BMERB1: variants seen among roughly 807,000 people sequenced by gnomAD.
BMERB1 encodes the protein bMERB domain containing 1.
BMERB1 carries 12 observed loss-of-function variants against 23.6 expected under a neutral mutation model. The ratio of observed to expected loss-of-function variants is 0.51; its 90% CI spans 0.33 to 0.82. The LOEUF (loss-of-function observed/expected upper bound fraction) is 0.82, where lower values mean the gene tolerates loss of function less well. BMERB1 is among the 40% of genes least tolerant of loss of function. BMERB1 has a pLI of 0.03. For missense variants in BMERB1, 247 were observed against 255.4 expected (o/e 0.97, Z 0.22); for synonymous variants, 122 against 96.6 (o/e 1.26, Z -1.54).
chr16:15,462,302 C>G (rs1334664185), intron 1 of BMERB1, among the ~76,000 whole-genome samples: 1 of 151,840 alleles, frequency 6.6e-6, no homozygotes, highest in Non-Finnish European at 1.5e-5. Flanking sequence ...CAGGTGCCCA[C>G]CACCACGCCT....
At chr16:15,444,134 T>G (rs983369300) in intron 1 of BMERB1, among the ~76,000 whole-genome samples, 38 of 117,952 alleles carry the variant, frequency 3.2e-4, no homozygotes, top group African/African-American at 9.3e-4. Flanking sequence ...TTTTTTTTTT[T>G]TTTTTTTTTT....
intron 1 of BMERB1, among the ~76,000 whole-genome samples, chr16:15,460,666 C>T (rs1383312019): frequency 1.3e-5 from 2 of 152,132 alleles, no homozygotes; most frequent in Non-Finnish European, 2.9e-5. Flanking sequence ...CTTCACAGCT[C>T]AACACATCCA....
chr16:15,479,592 T>G (rs1409157227), intron 1 of BMERB1, among the ~76,000 whole-genome samples: 2 of 152,024 alleles, frequency 1.3e-5, no homozygotes, highest in East Asian at 3.9e-4. Flanking sequence ...CCTTATATAC[T>G]CCAACCAAAA....
intron 2 of BMERB1, among the ~76,000 whole-genome samples, chr16:15,520,069 A>G (rs1408059876): frequency 6.6e-6 from 1 of 152,034 alleles, no homozygotes; most frequent in Non-Finnish European, 1.5e-5. Context: ...CCTTAATTTT[A>G]GCTTCTTGAG....
intron 2 of BMERB1, among the ~76,000 whole-genome samples, chr16:15,541,845 G>A (rs556173449): frequency 2.1e-4 from 32 of 150,266 alleles, no homozygotes; most frequent in Non-Finnish European, 4.3e-4. Context: ...CTCATGATCC[G>A]CCCGCCTCGG....
At chr16:15,439,988 T>G (rs1292877011) in intron 1 of BMERB1, among the ~76,000 whole-genome samples, 1 of 152,084 alleles carries the variant, frequency 6.6e-6, no homozygotes, top group Non-Finnish European at 1.5e-5. Flanking sequence ...CTCATGCCTG[T>G]AATCCCAGCA....
intron 2 of BMERB1, among the ~76,000 whole-genome samples, chr16:15,518,523 A>C (rs957962431): frequency 5.3e-5 from 8 of 152,184 alleles, no homozygotes; most frequent in African/African-American, 1.9e-4. Context: ...AGATCTGCAC[A>C]AAGTCCTCAT....
At chr16:15,465,931 T>G (rs2051176783) in intron 1 of BMERB1, among the ~76,000 whole-genome samples, 1 of 152,252 alleles carries the variant, frequency 6.6e-6, no homozygotes, top group Non-Finnish European at 1.5e-5. Context: ...TTTTAATTTT[T>G]TAACTGCTCA....
chr16:15,553,827 A>G (rs1598515976), intron 2 of BMERB1, among the ~76,000 whole-genome samples: 1 of 152,258 alleles, frequency 6.6e-6, no homozygotes, highest in South Asian at 2.1e-4. Context: ...ATCGTCTTAG[A>G]CAGAAGGTCA....
At chr16:15,475,088 C>T (rs893869225) in intron 1 of BMERB1, among the ~76,000 whole-genome samples, 2 of 152,108 alleles carry the variant, frequency 1.3e-5, no homozygotes, top group African/African-American at 4.8e-5. Flanking sequence ...GGGCCACTTT[C>T]CTAGAAAATA....
chr16:15,558,622 G>A (rs138829733), intron 2 of BMERB1, among the ~76,000 whole-genome samples: 386 of 151,868 alleles, frequency 2.5e-3, no homozygotes, highest in African/African-American at 7.5e-3. Context: ...AACCATTACC[G>A]TAGTCACATA....
intron 2 of BMERB1, among the ~76,000 whole-genome samples, chr16:15,550,192 G>C (rs1378883182): frequency 6.6e-6 from 1 of 152,042 alleles, no homozygotes; most frequent in Non-Finnish European, 1.5e-5. Context: ...ACCCCGCCTC[G>C]GCCTCCCGAA....
At chr16:15,439,663 C>T (rs546669620) in intron 1 of BMERB1, among the ~76,000 whole-genome samples, 5 of 152,262 alleles carry the variant, frequency 3.3e-5, no homozygotes, top group South Asian at 2.1e-4. Flanking sequence ...CCTTCAACAG[C>T]GTTTTTCCAC....
chr16:15,444,592 G>A (rs1233230908), intron 1 of BMERB1, among the ~76,000 whole-genome samples: 5 of 152,218 alleles, frequency 3.3e-5, no homozygotes, highest in Non-Finnish European at 5.9e-5. Flanking sequence ...GATGGTAGCA[G>A]TGTGAAGGCT....
At chr16:15,473,186 A>G (rs1456127057) in intron 1 of BMERB1, among the ~76,000 whole-genome samples, 2 of 151,542 alleles carry the variant, frequency 1.3e-5, no homozygotes, top group Non-Finnish European at 2.9e-5. Flanking sequence ...AAAAATTATT[A>G]TTGATTTTTG....
At chr16:15,541,884 G>A (rs1419878362) in intron 2 of BMERB1, among the ~76,000 whole-genome samples, 3 of 149,206 alleles carry the variant, frequency 2.0e-5, no homozygotes, top group Non-Finnish European at 4.4e-5. Context: ...TTACAGGCTT[G>A]AGCCACCATA....
At position 15,487,583 on chromosome 16, in the gene BMERB1, T is replaced by C. The variant is rs2051379021; in HGVS notation, c.107-27722T>C. Among the ~76,000 whole-genome samples the C allele has an allele frequency of 2.6e-5, 4 of 152,188 alleles. No individual in the cohort carries two copies. The South Asian group carries it at 8.3e-4, about 32-fold the overall frequency. Reference sequence around the variant, plus strand: ...TAGAGTAAAATGAAAGCAAGTTTATTTATTAAGTTTCTTAAGTTATTAAGA... The same window carrying C: ...TAGAGTAAAATGAAAGCAAGTTTATCTATTAAGTTTCTTAAGTTATTAAGA... On this transcript the variant is annotated intron_variant, in intron 1 of 5. Coordinates refer to ENST00000300006, the MANE Select transcript of BMERB1 (RefSeq NM_033201.3).
intron 1 of BMERB1, among the ~76,000 whole-genome samples, chr16:15,466,532 T>C (rs1390332567): frequency 6.6e-6 from 1 of 152,156 alleles, no homozygotes; most frequent in African/African-American, 2.4e-5. Flanking sequence ...AAAAAAAGAC[T>C]TTTTATTTTG....
At chr16:15,445,526 G>C (rs1364083535) in intron 1 of BMERB1, among the ~76,000 whole-genome samples, 1 of 152,050 alleles carries the variant, frequency 6.6e-6, no homozygotes, top group Non-Finnish European at 1.5e-5. Flanking sequence ...AGAAAGAATA[G>C]AAGGAAATAC....
Sources: allele counts gnomAD v4.1 joint callset (sites outside exome capture counted in the v4.1 genomes callset), GRCh38; gene constraint gnomAD v4.1.1; transcripts MANE v1.5; gene names NCBI Gene and HGNC (gene_info 2026-07-23, HGNC 2026-07-21).